PPM1L: variants seen among roughly 807,000 people sequenced by gnomAD.
PPM1L encodes the protein protein phosphatase, Mg2+/Mn2+ dependent 1L, also known as protein phosphatase 1L.
In PPM1L, 13 loss-of-function variants were observed where a neutral mutation model predicts 31.4. The ratio of observed to expected loss-of-function variants is 0.41; its 90% CI spans 0.27 to 0.66. The LOEUF (loss-of-function observed/expected upper bound fraction) is 0.66. Among genes scored for constraint, PPM1L ranks in the 30% least tolerant of loss-of-function variants. The pLI, the probability that PPM1L is intolerant of heterozygous loss-of-function variation, is 0.29. For synonymous variants in PPM1L, 184 were observed against 175.4 expected (o/e 1.05, Z -0.39); for missense variants, 326 against 453.7 (o/e 0.72, Z 2.56).
chr3:160,965,114 G>A (rs1186025425), intron 2 of PPM1L, among the ~76,000 whole-genome samples: 1 of 151,788 alleles, frequency 6.6e-6, no homozygotes, highest in Non-Finnish European at 1.5e-5. Context: ...AGCCGGGCGT[G>A]GTGGTGGGCG....
At chr3:160,991,290 T>G (rs1481465201) in intron 2 of PPM1L, among the ~76,000 whole-genome samples, 1 of 152,156 alleles carries the variant, frequency 6.6e-6, no homozygotes, top group East Asian at 1.9e-4. Context: ...TCCTTTTCTT[T>G]GGATTTGAGA....
chr3:160,997,246 G>A (rs1717351139), intron 2 of PPM1L, among the ~76,000 whole-genome samples: 1 of 152,106 alleles, frequency 6.6e-6, no homozygotes, highest in African/African-American at 2.4e-5. Flanking sequence ...TGAATGAGGA[G>A]GTGAAACCAA....
intron 1 of PPM1L, among the ~76,000 whole-genome samples, chr3:160,879,192 T>C (rs955285483): frequency 1.3e-5 from 2 of 152,228 alleles, no homozygotes; most frequent in Non-Finnish European, 1.5e-5. Context: ...TACTGGGTGC[T>C]TCTGAGAAAG....
At chr3:160,956,283 C>T (rs368180985) in intron 1 of PPM1L, among the ~76,000 whole-genome samples, 1 of 152,126 alleles carries the variant, frequency 6.6e-6, no homozygotes, top group Admixed American at 6.5e-5. Flanking sequence ...CATTCAGCAC[C>T]TTTTATGCCC....
intron 1 of PPM1L, among the ~76,000 whole-genome samples, chr3:160,915,108 A>T (rs1714120242): frequency 6.6e-6 from 1 of 152,180 alleles, no homozygotes. Context: ...GGAAAAGAGG[A>T]AGTCAAATTG....
rs1341208005 is a variant in PPM1L at position 160,834,465 on chromosome 3, ATGTGTATG to A, written c.399+77764_399+77771del. 4.3e-3 allele frequency among the ~76,000 whole-genome samples: 492 copies of A among 115,462 alleles called. 5 individuals carry two copies. The highest frequency in any genetic ancestry group is 0.018 in the African/African-American group (472 of 26,308). 75.7% of individuals were successfully genotyped at this position (115,462 alleles called of 152,430 possible). A position where few individuals can be genotyped will look rare whatever the true frequency, so the allele number is the denominator to read the frequency against. On this transcript the variant is annotated intron_variant, in intron 1 of 3. Transcript: ENST00000498165. ...TACCAGTTTTTACATGCATTTGTGT[ATGTGTATG>A]TGTGTGTGTGTGTGTGTGTGTGTGT...
intron 1 of PPM1L, among the ~76,000 whole-genome samples, chr3:160,760,021 G>A (rs1490664611): frequency 6.6e-6 from 1 of 152,110 alleles, no homozygotes; most frequent in Admixed American, 6.5e-5. Context: ...TGCTGGGGCA[G>A]CACTATTCAA....
intron 1 of PPM1L, among the ~76,000 whole-genome samples, chr3:160,862,703 C>CAA (rs1553814129): frequency 7.6e-6 from 1 of 131,464 alleles, no homozygotes; most frequent in Non-Finnish European, 1.5e-5. Context: ...CACACACACA[C>CAA]AAAATTCTGA....
intron 1 of PPM1L, among the ~76,000 whole-genome samples, chr3:160,850,108 C>T (rs1214907355): frequency 6.6e-6 from 1 of 152,206 alleles, no homozygotes; most frequent in African/African-American, 2.4e-5. Context: ...TCACCTACGG[C>T]TATCAATCAG....
chr3:161,028,540 A>G (rs1031547994), intron 2 of PPM1L, among the ~76,000 whole-genome samples: 6 of 152,184 alleles, frequency 3.9e-5, no homozygotes, highest in African/African-American at 1.4e-4. Context: ...AAACAGAGGT[A>G]AAGGAGAAAA....
rs1300095428 is a variant in PPM1L at position 160,876,462 on chromosome 3, C to CT, written c.400-85272dup. Reference sequence around the variant, plus strand: ...TCAGTGTTTTATATGTATATCATGCCTTGCTTCATCAGCATAGATAATTTA... The same window carrying CT: ...TCAGTGTTTTATATGTATATCATGCCTTTGCTTCATCAGCATAGATAATTTA... On this transcript the variant is annotated intron_variant, in intron 1 of 3. Coordinates refer to ENST00000498165, the MANE Select transcript of PPM1L (RefSeq NM_139245.4). Among the ~76,000 whole-genome samples, 20 of 152,300 alleles carry CT rather than the reference C, an allele frequency of 1.3e-4. 1 individual carries two copies. In the South Asian group the frequency reaches 3.1e-3, roughly 24 times the overall value.
intron 1 of PPM1L, among the ~76,000 whole-genome samples, chr3:160,952,160 A>T (rs575938056): frequency 6.6e-6 from 1 of 152,294 alleles, no homozygotes; most frequent in East Asian, 1.9e-4. Flanking sequence ...ATGAGAGAAG[A>T]ATAACTCCCT....
At chr3:160,991,962 G>T (rs574019466) in intron 2 of PPM1L, among the ~76,000 whole-genome samples, 1 of 152,152 alleles carries the variant, frequency 6.6e-6, no homozygotes, top group Non-Finnish European at 1.5e-5. Context: ...AGCTCTTGAT[G>T]TGTATTAACT....
chr3:160,789,090 A>G, intron 1 of PPM1L, among the ~76,000 whole-genome samples: 1 of 152,084 alleles, frequency 6.6e-6, no homozygotes, highest in East Asian at 1.9e-4. Flanking sequence ...TAAACTGATA[A>G]TTTTACAATA....
chr3:160,856,036 G>A (rs1159100598), intron 1 of PPM1L, among the ~76,000 whole-genome samples: 1 of 152,108 alleles, frequency 6.6e-6, no homozygotes, highest in Non-Finnish European at 1.5e-5. Flanking sequence ...CCTGGAGTCT[G>A]ATGTGTGAGG....
At chr3:160,838,997 G>T (rs560908515) in intron 1 of PPM1L, among the ~76,000 whole-genome samples, 5 of 152,184 alleles carry the variant, frequency 3.3e-5, no homozygotes, top group Admixed American at 2.0e-4. Flanking sequence ...TCCCATGATG[G>T]GACTGGTAGC....
chr3:160,769,274 G>GA (rs1480284702), intron 1 of PPM1L, among the ~76,000 whole-genome samples: 1 of 152,200 alleles, frequency 6.6e-6, no homozygotes, highest in Non-Finnish European at 1.5e-5. Context: ...GTTGGGAAGG[G>GA]GGTTTAGAGA....
intron 1 of PPM1L, chr3:160,882,391 A>G (rs565574087): frequency 2.6e-5 from 4 of 152,344 alleles, no homozygotes; most frequent in African/African-American, 9.6e-5. Context: ...GAGAACAAGT[A>G]TGCATATTTT....
chr3:160,902,398 T>A (rs1023774748), intron 1 of PPM1L, among the ~76,000 whole-genome samples: 3 of 152,126 alleles, frequency 2.0e-5, no homozygotes, highest in Non-Finnish European at 2.9e-5. Flanking sequence ...TTAGAAATCA[T>A]CTTATGTCAT....
Sources: gnomAD v4.1 joint callset for allele counts (sites outside exome capture counted in the v4.1 genomes callset) on GRCh38, gnomAD v4.1.1 for gene constraint, MANE v1.5 for transcripts, NCBI Gene and HGNC (gene_info 2026-07-23, HGNC 2026-07-21) for gene names.